CPNE8: variants seen among roughly 807,000 people sequenced by gnomAD.
The protein encoded by CPNE8 is copine-8.
In CPNE8, 45 loss-of-function variants were observed where a neutral mutation model predicts 81.5. The ratio of observed to expected loss-of-function variants is 0.55; its 90% CI spans 0.44 to 0.71. CPNE8 has a LOEUF of 0.71. Ranked by LOEUF, CPNE8 falls within the 30% of genes least tolerant of loss-of-function variation. The pLI is 0.00. For missense variants in CPNE8, 594 were observed against 672.1 expected (o/e 0.88, Z 1.28); for synonymous variants, 252 against 226.3 (o/e 1.11, Z -1.02).
chr12:38,829,993 G>A (rs995986404), intron 5 of CPNE8, among the ~76,000 whole-genome samples: 3 of 152,128 alleles, frequency 2.0e-5, no homozygotes, highest in African/African-American at 7.2e-5. Context: ...TCTCTATAAT[G>A]TATTAGTACC....
chr12:38,778,863 T>C (rs1469028500), intron 6 of CPNE8, among the ~76,000 whole-genome samples: 1 of 152,190 alleles, frequency 6.6e-6, no homozygotes, highest in African/African-American at 2.4e-5. Context: ...CAGTCATGCA[T>C]TGCTTAATTC....
chr12:38,762,662 AAAAG>A (rs1303439748), intron 8 of CPNE8, among the ~76,000 whole-genome samples: 1 of 152,230 alleles, frequency 6.6e-6, no homozygotes, highest in African/African-American at 2.4e-5. Context: ...GCTGTGAAGA[AAAAG>A]AAAAAAGTTA....
chr12:38,787,071 A>T (rs1028004305), intron 6 of CPNE8, among the ~76,000 whole-genome samples: 5 of 152,184 alleles, frequency 3.3e-5, no homozygotes, highest in Non-Finnish European at 7.4e-5. Context: ...TCAACAAAGC[A>T]ACATTGGACT....
chr12:38,788,095 G>C (rs1431354832), intron 6 of CPNE8, among the ~76,000 whole-genome samples: 1 of 151,036 alleles, frequency 6.6e-6, no homozygotes, highest in Non-Finnish European at 1.5e-5. Context: ...GTAGGGAATA[G>C]GTCCAAACTC....
chr12:38,902,294 GGAAAGGAAGGAAGGAAGGAAGGAAAGAAA>G (rs1944479197), intron 1 of CPNE8, among the ~76,000 whole-genome samples: 1 of 89,778 alleles, frequency 1.1e-5, no homozygotes, highest in Non-Finnish European at 2.1e-5. Flanking sequence ...AAGGAAGGAA[GGAAAGGAAGGAAGGAAGGAAGGAAAGAAA>G]GAAAGAAAGA....
chr12:38,827,120 G>C (rs555878993), intron 6 of CPNE8, among the ~76,000 whole-genome samples: 88 of 145,776 alleles, frequency 6.0e-4, no homozygotes, highest in African/African-American at 2.1e-3. Context: ...GGCAGAGGTT[G>C]CAGTGAGCAG....
At chr12:38,784,878 A>G (rs1942142820) in intron 6 of CPNE8, among the ~76,000 whole-genome samples, 1 of 152,148 alleles carries the variant, frequency 6.6e-6, no homozygotes, top group Non-Finnish European at 1.5e-5. Flanking sequence ...GAGAAATGCT[A>G]AAGAGAATAT....
intron 19 of CPNE8, among the ~76,000 whole-genome samples, chr12:38,657,765 G>A (rs1039173402): frequency 2.0e-5 from 3 of 152,164 alleles, no homozygotes; most frequent in Non-Finnish European, 4.4e-5. Context: ...AACAGGGTCT[G>A]GAGTGGACCC....
At chr12:38,670,050 T>C (rs1013557173) in intron 19 of CPNE8, among the ~76,000 whole-genome samples, 2 of 152,206 alleles carry the variant, frequency 1.3e-5, no homozygotes, top group African/African-American at 4.8e-5. Flanking sequence ...TGAAAACCTG[T>C]TGACTGTCGA....
chr12:38,705,908 T>C (rs1271559243), intron 13 of CPNE8, among the ~76,000 whole-genome samples: 1 of 152,048 alleles, frequency 6.6e-6, no homozygotes, highest in Non-Finnish European at 1.5e-5. Flanking sequence ...ACACATAATA[T>C]ATATATACAT....
chr12:38,874,367 T>A, intron 2 of CPNE8, 104 bp downstream of exon 2: 1 of 823,742 alleles, frequency 1.2e-6, no homozygotes, highest in South Asian at 1.4e-5. Context: ...CATTCTCCTG[T>A]TGCTTTCTAG....
chr12:38,796,996 G>C (rs528086393), intron 6 of CPNE8, among the ~76,000 whole-genome samples: 1 of 152,188 alleles, frequency 6.6e-6, no homozygotes, highest in Non-Finnish European at 1.5e-5. Flanking sequence ...GCTGGGGGAC[G>C]GGTGCCCGCC....
intron 18 of CPNE8, among the ~76,000 whole-genome samples, chr12:38,675,006 C>T (rs145972736): frequency 4.6e-4 from 70 of 152,262 alleles, no homozygotes; most frequent in African/African-American, 1.2e-3. Context: ...GCACAAAGTT[C>T]TCTTAAAGGA....
chr12:38,710,288 A>AAAAAAC (rs1555145903), intron 13 of CPNE8, among the ~76,000 whole-genome samples: 54 of 148,186 alleles, frequency 3.6e-4, no homozygotes, highest in Non-Finnish European at 7.0e-4. Flanking sequence ...AAAAAAAAAA[A>AAAAAAC]CCAACCCCAA....
intron 14 of CPNE8, among the ~76,000 whole-genome samples, chr12:38,702,297 A>G (rs765990818): frequency 8.5e-5 from 13 of 152,092 alleles, no homozygotes; most frequent in Non-Finnish European, 1.9e-4. Flanking sequence ...TTTTTTTCTT[A>G]AAAGGTTTAA....
At chr12:38,771,643 T>C (rs1941806617) in intron 7 of CPNE8, among the ~76,000 whole-genome samples, 2 of 152,206 alleles carry the variant, frequency 1.3e-5, no homozygotes, top group South Asian at 4.1e-4. Context: ...TTATGACCTA[T>C]ACATCCCTTA....
intron 10 of CPNE8, among the ~76,000 whole-genome samples, chr12:38,738,761 T>C (rs1253916086): frequency 2.6e-5 from 4 of 151,946 alleles, no homozygotes; most frequent in Non-Finnish European, 5.9e-5. Context: ...TTTGGACTCT[T>C]ACATCATTAC....
intron 18 of CPNE8, among the ~76,000 whole-genome samples, chr12:38,672,926 G>A (rs930010283): frequency 1.3e-5 from 2 of 151,060 alleles, no homozygotes; most frequent in Admixed American, 1.3e-4. Context: ...TTGGCTTTAT[G>A]TGGTTAGCTG....
Position 38,902,425 on chromosome 12 carries a change from GAAAGAA to G in CPNE8, c.98+3006_98+3011del, listed in dbSNP as rs1565670475. 3.3e-4 allele frequency among the ~76,000 whole-genome samples: 44 copies of G among 133,282 alleles called. 4 individuals are homozygous for G. Among genetic ancestry groups the G allele is most frequent in the African/African-American group, 1.7e-3 (43 of 25,346 alleles). 87.4% of individuals were successfully genotyped at this position (133,282 alleles called of 152,430 possible). A position where few individuals can be genotyped will look rare whatever the true frequency, so the allele number is the denominator to read the frequency against. ...AAAGAAAGAAAGAAAGAAAAAGAAAGAAAGAAAGAAAGGAGAGAGAGAAAGAAAGAT... is the reference window on the plus strand; with the variant it reads ...AAAGAAAGAAAGAAAGAAAAAGAAAGAGAAAGGAGAGAGAGAAAGAAAGAT... On this transcript the variant is annotated intron_variant, in intron 1 of 19. Transcript: ENST00000331366.
Sources: gnomAD v4.1 joint callset for allele counts (sites outside exome capture counted in the v4.1 genomes callset) on GRCh38, gnomAD v4.1.1 for gene constraint, MANE v1.5 for transcripts, NCBI Gene and HGNC (gene_info 2026-07-23, HGNC 2026-07-21) for gene names.